The following SLC12A7 variants were observed in gnomAD, a reference collection of about 807,000 sequenced individuals.
The protein encoded by SLC12A7 is K-Cl cotransporter 4.
A neutral mutation model predicts 120.6 loss-of-function variants in SLC12A7; 100 were observed. The ratio of observed to expected loss-of-function variants is 0.83; its 90% CI spans 0.71 to 0.98. The LOEUF (loss-of-function observed/expected upper bound fraction) is 0.98. Ranked by LOEUF, SLC12A7 falls within the 50% of genes least tolerant of loss-of-function variation. The pLI, the probability that SLC12A7 is intolerant of heterozygous loss-of-function variation, is 0.00. For missense variants in SLC12A7, 1,373 were observed against 1,548.1 expected, an observed-to-expected ratio of 0.89 and a Z score of 1.90; for synonymous variants, 760 against 678.0, an observed-to-expected ratio of 1.12 and a Z score of -1.88.
At chr5:1,062,683 GGGGGGCTGGGGGACTGAGGGA>G (rs1736423968) in intron 20 of SLC12A7, among the ~76,000 whole-genome samples, 1 of 11,268 alleles carries the variant, frequency 8.9e-5, no homozygotes, top group East Asian at 0.022. Context: ...CTGGGGGGCT[GGGGGGCTGGGGGACTGAGGGA>G]CTGGGGGACT....
intron 1 of SLC12A7, 143 bp downstream of exon 1, chr5:1,111,725 G>A: frequency 2.3e-6 from 2 of 862,156 alleles, no homozygotes; most frequent in Non-Finnish European, 3.0e-6. Flanking sequence ...CCCTCGTGGG[G>A]GACCGAGAAC....
intron 3 of SLC12A7, among the ~76,000 whole-genome samples, chr5:1,092,272 T>C (rs892516369): frequency 2.0e-5 from 3 of 152,236 alleles, no homozygotes; most frequent in African/African-American, 4.8e-5. Flanking sequence ...AGCAGAACAC[T>C]GGACGCTGGC....
At position 1,093,568 on chromosome 5, in the gene SLC12A7, C is replaced by T. The variant is rs1740771554; in HGVS notation, c.307G>A (p.Glu103Lys). 3 of 1,607,172 alleles carry T rather than the reference C, an allele frequency of 1.9e-6. No homozygotes were observed. Among genetic ancestry groups the T allele is most frequent in the Non-Finnish European group, 2.5e-6 (3 of 1,177,654 alleles). ...TNLSQGVVEH[E>K]EDEESRRREA... ...CGCCGCCGGCTCTCCTCGTCCTCCT[C>T]GTGCTCCACCACGCCCTGGCTCAGG... The change falls in exon 3 of 24, where the codon GAG (glutamate) becomes AAG (lysine). Residue 103 changes from glutamate to lysine, a missense_variant. Transcript: ENST00000264930.
intron 1 of SLC12A7, among the ~76,000 whole-genome samples, chr5:1,109,827 G>A (rs1742858704): frequency 6.6e-6 from 1 of 152,258 alleles, no homozygotes; most frequent in Non-Finnish European, 1.5e-5. Flanking sequence ...CAGCCCAGAA[G>A]CTCCAGTACC....
chr5:1,145,701 T>C, the SLC12A7 span, among the ~76,000 whole-genome samples: 1 of 152,148 alleles, frequency 6.6e-6, no homozygotes, highest in Non-Finnish European at 1.5e-5. The surrounding 1 kb of genome is among the most constrained non-coding windows in gnomAD (Gnocchi z 4.4). Flanking sequence ...TAGGTGTGAA[T>C]TGATTTAATC....
chr5:1,077,780 G>A (rs1738529123), intron 12 of SLC12A7, 53 bp downstream of exon 12: 2 of 1,486,950 alleles, frequency 1.3e-6, no homozygotes, highest in East Asian at 5.0e-5. Flanking sequence ...CAGGGGAGGA[G>A]AGCCCCCGAC....
intron 13 of SLC12A7, among the ~76,000 whole-genome samples, 194 bp from the exon 14 acceptor site, chr5:1,076,430 C>A (rs1216876413): frequency 6.6e-6 from 1 of 151,056 alleles, no homozygotes; most frequent in Non-Finnish European, 1.5e-5. Flanking sequence ...CTGTGACCAC[C>A]TGGTCCATCA....
At chr5:1,108,344 T>A (rs1742724168) in intron 1 of SLC12A7, among the ~76,000 whole-genome samples, 1 of 152,238 alleles carries the variant, frequency 6.6e-6, no homozygotes, top group South Asian at 2.1e-4. Flanking sequence ...TTCCTGTGTA[T>A]CTTGTTTCCT....
chr5:1,127,019 A>G, the SLC12A7 span, among the ~76,000 whole-genome samples: 3 of 151,798 alleles, frequency 2.0e-5, no homozygotes, highest in East Asian at 5.8e-4. Context: ...CCAATGACTG[A>G]TGTCTTTTTT....
intron 1 of SLC12A7, among the ~76,000 whole-genome samples, chr5:1,104,267 C>T (rs866509738): frequency 5.3e-5 from 8 of 152,240 alleles, no homozygotes; most frequent in African/African-American, 1.4e-4. Context: ...GCCACCGCCA[C>T]CCTCGTGACA....
intron 20 of SLC12A7, among the ~76,000 whole-genome samples, chr5:1,061,035 TGCGGG>T (rs1736156193): frequency 7.3e-6 from 1 of 137,652 alleles, no homozygotes; most frequent in African/African-American, 2.8e-5. Context: ...GCACCCGCCG[TGCGGG>T]ATCCCTGAGT....
the SLC12A7 span, among the ~76,000 whole-genome samples, chr5:1,154,846 C>A: frequency 2.7e-3 from 413 of 152,354 alleles, 2 homozygotes; most frequent in African/African-American, 9.4e-3. Context: ...GAGCAGCCTA[C>A]CCTGGCCATG....
At chr5:1,078,094 C>A in intron 11 of SLC12A7, 87 bp from the exon 12 acceptor site, 1 of 1,438,520 alleles carries the variant, frequency 7.0e-7, no homozygotes, top group Non-Finnish European at 9.2e-7. Flanking sequence ...GAGCGAGGGG[C>A]CCAGTGCAGT....
Position 1,075,495 on chromosome 5 carries a change from G to A in SLC12A7, c.1848-5C>T, listed in dbSNP as rs753039799. The A allele has an allele frequency of 1.9e-6, 3 of 1,608,440 alleles. No individual in the cohort carries two copies. The East Asian group carries it at 6.7e-5, about 36-fold the overall frequency. On this transcript the variant is annotated splice_region_variant and splice_polypyrimidine_tract_variant and intron_variant, in intron 14 of 23. Transcript: ENST00000264930. ...ATACCCAGAAAGGACAGGGTCCTGG[G>A]GGCGGGGCAAGTGGCTCGGGGCGGC... is the stretch of plus-strand genomic sequence containing the variant.
intron 17 of SLC12A7, among the ~76,000 whole-genome samples, chr5:1,067,694 T>C (rs1269672392): frequency 1.3e-5 from 2 of 152,232 alleles, no homozygotes. Context: ...GCTGGGGATC[T>C]CAACTCTCTT....
At position 1,073,808 on chromosome 5, in the gene SLC12A7, C is replaced by G; in HGVS notation, c.2073-7G>C. The G allele has an allele frequency of 7.1e-7, 1 of 1,406,948 alleles. No homozygotes were observed. Among genetic ancestry groups the G allele is most frequent in the South Asian group, 1.7e-5 (1 of 57,366 alleles). The allele number at this position is 1,406,948 out of a possible 1,614,324, so 87.2% of individuals were successfully genotyped here. A position where few individuals can be genotyped will look rare whatever the true frequency, so the allele number is the denominator to read the frequency against. On this transcript the variant is annotated splice_polypyrimidine_tract_variant and splice_region_variant and intron_variant, in intron 16 of 23. Coordinates refer to ENST00000264930, the MANE Select transcript of SLC12A7 (RefSeq NM_006598.3). The stretch of plus-strand genomic sequence containing the variant: ...CATCACCAGCACCTGGGGCCTGCAG[C>G]CAGGGTGGGGCGGCTGTTACCACGG...
intron 1 of SLC12A7, among the ~76,000 whole-genome samples, chr5:1,109,656 T>TCTA (rs200173319): frequency 0.037 from 5,576 of 152,174 alleles, 351 homozygotes; most frequent in African/African-American, 0.13. Context: ...GGCAGCAGCA[T>TCTA]CTACCCCTCT....
At chr5:1,119,211 C>T in the SLC12A7 span, among the ~76,000 whole-genome samples, 1 of 152,208 alleles carries the variant, frequency 6.6e-6, no homozygotes, top group East Asian at 1.9e-4. Flanking sequence ...CAGAGAAGCA[C>T]CTGCACAACC....
rs768641635 is a variant in SLC12A7 at position 1,078,651 on chromosome 5, A to C, written c.1454+50T>G. 2.7e-6 allele frequency: 4 copies of C among 1,469,116 alleles called. No homozygotes were observed. In the East Asian group the frequency reaches 9.1e-5, roughly 33 times the overall value. 91.0% of individuals were successfully genotyped at this position (1,469,116 alleles called of 1,614,324 possible). A position where few individuals can be genotyped will look rare whatever the true frequency, so the allele number is the denominator to read the frequency against. On this transcript the variant is annotated intron_variant, in intron 11 of 23. Coordinates refer to ENST00000264930, the MANE Select transcript of SLC12A7 (RefSeq NM_006598.3). ...TCAAAGCCGAATTCATCCTCAGGAA[A>C]ACCCTTGAAGACTACAGGCTTTGCA...
Sources: allele counts gnomAD v4.1 joint callset (sites outside exome capture counted in the v4.1 genomes callset), GRCh38; gene constraint gnomAD v4.1.1; non-coding constraint Gnocchi (gnomAD v3.1); transcripts MANE v1.5; gene names NCBI Gene and HGNC (gene_info 2026-07-23, HGNC 2026-07-21).